The following FGGY variants were observed in gnomAD, a reference collection of about 807,000 sequenced individuals.
FGGY encodes FGGY carbohydrate kinase domain containing.
FGGY carries 72 observed loss-of-function variants against 71.3 expected under a neutral mutation model. That is an observed-to-expected ratio of 1.01 (90% CI 0.84 to 1.23). The LOEUF is 1.23. Among genes scored for constraint, FGGY ranks in the 50% most tolerant of loss-of-function variants. The pLI, the probability that FGGY is intolerant of heterozygous loss-of-function variation, is 0.00. For synonymous variants in FGGY, 251 were observed against 250.3 expected (o/e 1.00, Z -0.02); for missense variants, 668 against 682.3 (o/e 0.98, Z 0.23).
chr1:59,429,110 G>A (rs761197638), intron 5 of FGGY, among the ~76,000 whole-genome samples: 3 of 152,172 alleles, frequency 2.0e-5, no homozygotes, highest in Non-Finnish European at 4.4e-5. Flanking sequence ...CGCAAATGAA[G>A]TACAAGACAA....
chr1:59,368,286 G>A (rs973013871), intron 4 of FGGY, among the ~76,000 whole-genome samples: 1 of 152,184 alleles, frequency 6.6e-6, no homozygotes, highest in Non-Finnish European at 1.5e-5. Flanking sequence ...GTGCTTAGAA[G>A]GGCTTTTGTT....
At chr1:59,731,811 C>T (rs1442555965) in intron 14 of FGGY, among the ~76,000 whole-genome samples, 1 of 152,022 alleles carries the variant, frequency 6.6e-6, no homozygotes, top group African/African-American at 2.4e-5. Context: ...TTCTAAGAGT[C>T]AGAATCCCCT....
chr1:59,591,807 T>G (rs1324128490), intron 8 of FGGY, among the ~76,000 whole-genome samples: 1 of 152,220 alleles, frequency 6.6e-6, no homozygotes, highest in Non-Finnish European at 1.5e-5. Flanking sequence ...ATTAAAGACT[T>G]AAACGTTCGA....
chr1:59,474,950 A>G (rs988997590), intron 6 of FGGY, among the ~76,000 whole-genome samples: 1 of 152,188 alleles, frequency 6.6e-6, no homozygotes, highest in African/African-American at 2.4e-5. Context: ...TATCATGAGG[A>G]TGAAAGGTAA....
chr1:59,593,216 G>C (rs943235355), intron 8 of FGGY, among the ~76,000 whole-genome samples: 2 of 152,218 alleles, frequency 1.3e-5, no homozygotes, highest in Non-Finnish European at 2.9e-5. Context: ...CACTGTGCAG[G>C]TTCAGCTGGG....
At chr1:59,472,206 G>T (rs575475027) in intron 6 of FGGY, among the ~76,000 whole-genome samples, 1 of 152,182 alleles carries the variant, frequency 6.6e-6, no homozygotes, top group African/African-American at 2.4e-5. Context: ...TGGGCTCGGC[G>T]GACCCCGCAC....
chr1:59,339,314 G>A (rs2050195611), intron 2 of FGGY, among the ~76,000 whole-genome samples: 1 of 151,982 alleles, frequency 6.6e-6, no homozygotes, highest in African/African-American at 2.4e-5. Context: ...TTATATTTTT[G>A]CCAATATGAA....
intron 6 of FGGY, among the ~76,000 whole-genome samples, chr1:59,488,487 A>G (rs372251630): frequency 6.7e-6 from 1 of 148,816 alleles, no homozygotes; most frequent in African/African-American, 2.4e-5. Context: ...ATGTATGTGT[A>G]TATGTGTGTG....
chr1:59,504,736 C>A (rs1472796678), intron 6 of FGGY, among the ~76,000 whole-genome samples: 4 of 152,136 alleles, frequency 2.6e-5, no homozygotes, highest in Non-Finnish European at 5.9e-5. Context: ...CATTTCTTGT[C>A]CCAGTAGCAT....
chr1:59,659,642 T>C (rs1486227583), intron 11 of FGGY, among the ~76,000 whole-genome samples: 1 of 152,172 alleles, frequency 6.6e-6, no homozygotes, highest in Non-Finnish European at 1.5e-5. Flanking sequence ...TGTTCAGTTC[T>C]GGACTCTCTC....
Position 59,649,068 on chromosome 1 carries a change from G to A in FGGY, c.1221+10693G>A, listed in dbSNP as rs1253091520. Among the ~76,000 whole-genome samples, 124 of 151,838 alleles carry A rather than the reference G, an allele frequency of 8.2e-4. 1 individual carries two copies. Among genetic ancestry groups the A allele is most frequent in the African/African-American group, 2.8e-3 (114 of 41,240 alleles). The stretch of plus-strand genomic sequence containing the variant: ...AAAGATCAGATAGTTTTAGGTATGC[G>A]GCATTATTTCTGAGGGCTCTGTTCT... On this transcript the variant is annotated intron_variant, in intron 11 of 15. Transcript: ENST00000303721.
intron 7 of FGGY, among the ~76,000 whole-genome samples, chr1:59,547,098 G>A (rs548820429): frequency 1.8e-4 from 28 of 151,682 alleles, no homozygotes; most frequent in Non-Finnish European, 2.7e-4. Flanking sequence ...GACTACAGGC[G>A]CGTGCCACCA....
Position 59,667,404 on chromosome 1 carries a change from G to A in FGGY, c.1417+1G>A. The A allele has an allele frequency of 6.2e-7, 1 of 1,613,944 alleles. No homozygotes were observed. Among genetic ancestry groups the A allele is most frequent in the South Asian group, 1.1e-5 (1 of 91,064 alleles). ...GTGCAAATGCATGCGGACATTACTG[G>A]TAAGTCTGGGAAAGAGGAGAGAAGG... On this transcript the variant is annotated splice_donor_variant, in intron 13 of 15. Transcript: ENST00000303721. LOFTEE classifies it high-confidence loss of function.
intron 14 of FGGY, chr1:59,755,133 G>C (rs147066198): frequency 2.0e-5 from 3 of 152,164 alleles, no homozygotes; most frequent in African/African-American, 7.2e-5. Context: ...ATCAATGAAA[G>C]GTTTAAGAGT....
intron 14 of FGGY, among the ~76,000 whole-genome samples, chr1:59,711,019 T>C (rs904967638): frequency 1.3e-5 from 2 of 152,020 alleles, no homozygotes; most frequent in African/African-American, 4.8e-5. Flanking sequence ...CTATTGACAA[T>C]AGCAAAGACT....
chr1:59,500,703 AAGAC>A (rs1268715358), intron 6 of FGGY, among the ~76,000 whole-genome samples: 7 of 151,986 alleles, frequency 4.6e-5, no homozygotes, highest in Non-Finnish European at 1.0e-4. Context: ...AACATGTAAA[AAGAC>A]AGACCATTTC....
At chr1:59,592,859 A>G (rs973763634) in intron 8 of FGGY, among the ~76,000 whole-genome samples, 1 of 152,188 alleles carries the variant, frequency 6.6e-6, no homozygotes, top group Non-Finnish European at 1.5e-5. Flanking sequence ...TGGGTGTAGC[A>G]CACCAGCATG....
chr1:59,461,177 A>T (rs2092175658), intron 6 of FGGY, among the ~76,000 whole-genome samples: 1 of 152,242 alleles, frequency 6.6e-6, no homozygotes, highest in South Asian at 2.1e-4. Flanking sequence ...CCTTGAAAAA[A>T]GATTAGATGA....
intron 11 of FGGY, among the ~76,000 whole-genome samples, chr1:59,642,475 AT>A (rs1190001074): frequency 1.3e-5 from 2 of 151,904 alleles, no homozygotes; most frequent in East Asian, 3.9e-4. Flanking sequence ...AAATACAAAA[AT>A]TAGCTGGGCG....
Sources: gnomAD v4.1 joint callset for allele counts (sites outside exome capture counted in the v4.1 genomes callset) on GRCh38, gnomAD v4.1.1 for gene constraint, MANE v1.5 for transcripts, NCBI Gene and HGNC (gene_info 2026-07-23, HGNC 2026-07-21) for gene names.